Variants in SPARCL1 observed in about 807,000 individuals in gnomAD.
SPARCL1 encodes the protein SPARC like 1, also known as SPARC-like protein 1.
A neutral mutation model predicts 67.1 loss-of-function variants in SPARCL1; 52 were observed. The ratio of observed to expected loss-of-function variants is 0.78; its 90% CI spans 0.62 to 0.98. The LOEUF (loss-of-function observed/expected upper bound fraction) is 0.98, where lower values mean the gene tolerates loss of function less well. SPARCL1 is among the 50% of genes least tolerant of loss of function. SPARCL1 has a pLI of 0.00. For missense variants in SPARCL1, 717 were observed against 782.4 expected (o/e 0.92, Z 1.00); for synonymous variants, 226 against 267.8 (o/e 0.84, Z 1.52).
intron 3 of SPARCL1, 85 bp from the exon 4 acceptor site, chr4:87,494,683 C>A: frequency 1.8e-6 from 2 of 1,112,802 alleles, no homozygotes; most frequent in Non-Finnish European, 2.5e-6. Context: ...ATTCATTATT[C>A]TTTTTCTTCA....
chr4:87,513,421 G>T (rs1162112551), intron 1 of SPARCL1, among the ~76,000 whole-genome samples: 1 of 152,180 alleles, frequency 6.6e-6, no homozygotes, highest in Non-Finnish European at 1.5e-5. Flanking sequence ...CAGAAGTTCT[G>T]GCTTTGGGCC....
chr4:87,523,422 C>T (rs1359815136), intron 1 of SPARCL1, among the ~76,000 whole-genome samples: 4 of 152,182 alleles, frequency 2.6e-5, no homozygotes, highest in Non-Finnish European at 4.4e-5. Flanking sequence ...TTTTAGAAAG[C>T]CACACTTACA....
chr4:87,493,190 TACCCC>T, intron 4 of SPARCL1, among the ~76,000 whole-genome samples: 1 of 152,316 alleles, frequency 6.6e-6, no homozygotes, highest in African/African-American at 2.4e-5. Flanking sequence ...GGGAAATTAA[TACCCC>T]TCTAGCAATC....
chr4:87,513,282 AAG>A (rs1270368207), intron 1 of SPARCL1, among the ~76,000 whole-genome samples: 2 of 152,226 alleles, frequency 1.3e-5, no homozygotes, highest in African/African-American at 4.8e-5. Flanking sequence ...CAGAAATTTG[AAG>A]AGTCTAAATT....
intron 8 of SPARCL1, 82 bp downstream of exon 8, chr4:87,482,342 A>G: frequency 4.1e-6 from 6 of 1,460,950 alleles, no homozygotes; most frequent in Non-Finnish European, 5.6e-6. Context: ...CAGTATGCAG[A>G]GGTAGGTAGC....
intron 1 of SPARCL1, among the ~76,000 whole-genome samples, chr4:87,527,970 A>C (rs1726119754): frequency 6.6e-6 from 1 of 152,184 alleles, no homozygotes; most frequent in East Asian, 1.9e-4. Flanking sequence ...AGAATAAAAA[A>C]AAAAAAGATT....
At chr4:87,475,624 A>AAT (rs1723554677) in intron 10 of SPARCL1, among the ~76,000 whole-genome samples, 3 of 152,168 alleles carry the variant, frequency 2.0e-5, no homozygotes, top group South Asian at 2.1e-4. Context: ...GCGGCCAACA[A>AAT]ATATATATAA....
chr4:87,494,898 AC>A (rs1440008403), intron 3 of SPARCL1, 82 bp downstream of exon 3: 17 of 1,263,290 alleles, frequency 1.3e-5, no homozygotes, highest in African/African-American at 3.1e-5. Flanking sequence ...GACATAAATA[AC>A]ATAATCTCTT....
chr4:87,489,587 GA>G (rs1380977154), intron 7 of SPARCL1, among the ~76,000 whole-genome samples: 2 of 152,220 alleles, frequency 1.3e-5, no homozygotes, highest in African/African-American at 2.4e-5. Flanking sequence ...ATCTCAAAGA[GA>G]GTTTGTGGTG....
chr4:87,516,682 C>A (rs1229413255), intron 1 of SPARCL1, among the ~76,000 whole-genome samples: 1 of 152,160 alleles, frequency 6.6e-6, no homozygotes, highest in Non-Finnish European at 1.5e-5. Context: ...AGCCAAAGGG[C>A]ACCCGGAGGC....
At chr4:87,491,940 AC>A (rs200718270) in intron 4 of SPARCL1, among the ~76,000 whole-genome samples, 7 of 10,418 alleles carry the variant, frequency 6.7e-4, no homozygotes, top group East Asian at 3.7e-3. Context: ...CTCCATCTCT[AC>A]CCACCCCCCC....
chr4:87,478,867 A>C (rs1723689310), intron 10 of SPARCL1, among the ~76,000 whole-genome samples: 1 of 152,340 alleles, frequency 6.6e-6, no homozygotes, highest in African/African-American at 2.4e-5. Flanking sequence ...CCACTGCAGG[A>C]GTAAAGAAAG....
chr4:87,507,938 A>G (rs1437057930), intron 1 of SPARCL1, among the ~76,000 whole-genome samples: 4 of 152,250 alleles, frequency 2.6e-5, no homozygotes, highest in Non-Finnish European at 5.9e-5. Context: ...TTACAAAAAG[A>G]TACAAGTGAA....
intron 4 of SPARCL1, 66 bp from the exon 5 acceptor site, chr4:87,491,756 C>G (rs1276216791): frequency 9.2e-7 from 1 of 1,087,898 alleles, no homozygotes; most frequent in Non-Finnish European, 1.4e-6. Context: ...ATTTATATTT[C>G]CACTGTGCAT....
At chr4:87,474,945 T>C (rs1723523383) in intron 10 of SPARCL1, among the ~76,000 whole-genome samples, 1 of 151,896 alleles carries the variant, frequency 6.6e-6, no homozygotes, top group Admixed American at 6.6e-5. Context: ...GGTTTCACCG[T>C]GTTAGCCAAG....
At chr4:87,509,832 G>T (rs1008660459) in intron 1 of SPARCL1, among the ~76,000 whole-genome samples, 2 of 152,214 alleles carry the variant, frequency 1.3e-5, no homozygotes, top group Admixed American at 1.3e-4. Context: ...TGTGGACAGG[G>T]GTGATGATAT....
intron 1 of SPARCL1, among the ~76,000 whole-genome samples, chr4:87,518,693 G>A (rs1253260069): frequency 6.6e-6 from 1 of 152,108 alleles, no homozygotes. Flanking sequence ...TTATTGAAAA[G>A]TTTTTCTAGT....
At chr4:87,504,188 G>GTACTAGTGCA (rs1724981263) in intron 1 of SPARCL1, among the ~76,000 whole-genome samples, 1 of 107,570 alleles carries the variant, frequency 9.3e-6, no homozygotes, top group Non-Finnish European at 2.3e-5. Context: ...TGTGTGGTGG[G>GTACTAGTGCA]GTGGGGGTGG....
intron 6 of SPARCL1, 78 bp from the exon 7 acceptor site, chr4:87,490,471 T>G (rs1724273857): frequency 1.3e-6 from 2 of 1,493,400 alleles, no homozygotes; most frequent in Non-Finnish European, 1.8e-6. Context: ...AAAGCTCATA[T>G]GCTGATAACA....
Sources: gnomAD v4.1 joint callset for allele counts (sites outside exome capture counted in the v4.1 genomes callset) on GRCh38, gnomAD v4.1.1 for gene constraint, MANE v1.5 for transcripts, NCBI Gene and HGNC (gene_info 2026-07-23, HGNC 2026-07-21) for gene names.